The following NEK5 variants were observed in gnomAD, a reference collection of about 807,000 sequenced individuals.
NEK5 encodes the protein NIMA related kinase 5, also known as serine/threonine-protein kinase Nek5.
Under a neutral mutation model 109.2 loss-of-function variants are expected in NEK5, and 88 were observed. The observed-to-expected ratio is 0.81, with a 90% CI of 0.68 to 0.96. NEK5 has a LOEUF of 0.96. Ranked by LOEUF, NEK5 falls within the 40% of genes least tolerant of loss-of-function variation. The pLI is 0.00. For synonymous variants in NEK5, 283 were observed against 299.9 expected (o/e 0.94, Z 0.58); for missense variants, 834 against 920.7 (o/e 0.91, Z 1.22).
intron 22 of NEK5, among the ~76,000 whole-genome samples, chr13:52,054,299 A>C (rs1171695911): frequency 6.6e-6 from 1 of 152,214 alleles, no homozygotes; most frequent in African/African-American, 2.4e-5. Context: ...GAAGGAATAA[A>C]TAAATGTAAT....
chr13:52,125,333 G>A (rs1472619417), intron 3 of NEK5, among the ~76,000 whole-genome samples: 1 of 152,230 alleles, frequency 6.6e-6, no homozygotes, highest in South Asian at 2.1e-4. Flanking sequence ...GGAGGCCGAG[G>A]CGGGTGGATC....
At chr13:52,084,349 C>T (rs886682826) in intron 16 of NEK5, among the ~76,000 whole-genome samples, 1 of 151,994 alleles carries the variant, frequency 6.6e-6, no homozygotes, top group Admixed American at 6.6e-5. Context: ...TCCTGAGTAG[C>T]TGGGACTACA....
chr13:52,102,564 G>A (rs571933216), intron 9 of NEK5, among the ~76,000 whole-genome samples: 1 of 152,216 alleles, frequency 6.6e-6, no homozygotes, highest in South Asian at 2.1e-4. Flanking sequence ...TTGGTGGCAT[G>A]AGCCTGTGGT....
intron 14 of NEK5, among the ~76,000 whole-genome samples, chr13:52,088,264 G>GT (rs950355633): frequency 5.8e-4 from 85 of 146,796 alleles, no homozygotes; most frequent in African/African-American, 2.0e-3. Flanking sequence ...TGTTTTTTTT[G>GT]TTTTTTTTGA....
At chr13:52,121,935 C>CT (rs781057134) in intron 3 of NEK5, among the ~76,000 whole-genome samples, 4,493 of 138,468 alleles carry the variant, frequency 0.032, 209 homozygotes, top group African/African-American at 0.11. Context: ...GTTTTGCTAG[C>CT]TTTTTTTTTT....
At chr13:52,056,146 C>G (rs1820136863) in intron 22 of NEK5, among the ~76,000 whole-genome samples, 1 of 151,990 alleles carries the variant, frequency 6.6e-6, no homozygotes, top group African/African-American at 2.4e-5. Context: ...GGGTTGCAAT[C>G]CTAGTCTCTG....
chr13:52,119,266 G>T, intron 4 of NEK5, 53 bp downstream of exon 4: 2 of 958,932 alleles, frequency 2.1e-6, no homozygotes, highest in Non-Finnish European at 3.1e-6. Flanking sequence ...TTTTACATAT[G>T]TCAACATGCC....
intron 3 of NEK5, among the ~76,000 whole-genome samples, chr13:52,122,766 C>CAA (rs1001243418): frequency 2.3e-5 from 3 of 129,758 alleles, no homozygotes; most frequent in Non-Finnish European, 5.0e-5. Context: ...GACTCCGTCT[C>CAA]AAAAAAAAAA....
At chr13:52,114,806 A>G (rs1955821200) in intron 4 of NEK5, among the ~76,000 whole-genome samples, 1 of 152,150 alleles carries the variant, frequency 6.6e-6, no homozygotes, top group East Asian at 1.9e-4. Context: ...AGGAGAATTG[A>G]TGTTTCTTGT....
chr13:52,104,434 A>G (rs1593984321), intron 9 of NEK5, 64 bp downstream of exon 9: 1 of 1,149,946 alleles, frequency 8.7e-7, no homozygotes, highest in East Asian at 2.3e-5. Flanking sequence ...TTTTTCTCCC[A>G]GAAGTTAATT....
chr13:52,056,031 G>C (rs1033396411), intron 22 of NEK5, among the ~76,000 whole-genome samples: 2 of 141,232 alleles, frequency 1.4e-5, no homozygotes, highest in African/African-American at 2.6e-5. Context: ...AGACCCATCA[G>C]TGTGCTGTAT....
chr13:52,079,344 T>G (rs1954928498), intron 17 of NEK5, among the ~76,000 whole-genome samples: 1 of 138,594 alleles, frequency 7.2e-6, no homozygotes, highest in Non-Finnish European at 1.5e-5. Context: ...CTCCCTCTGA[T>G]GCCGAGCCGA....
chr13:52,062,747 A>C (rs975942285), intron 21 of NEK5, among the ~76,000 whole-genome samples: 1 of 152,186 alleles, frequency 6.6e-6, no homozygotes, highest in Admixed American at 6.5e-5. Flanking sequence ...AGGAAAGGCT[A>C]TGTGAGAGGT....
chr13:52,110,601 G>A (rs1243079986), intron 5 of NEK5, 24 bp from the exon 6 acceptor site: 3 of 1,457,514 alleles, frequency 2.1e-6, no homozygotes, highest in Non-Finnish European at 2.9e-6. Flanking sequence ...ACAAAACAAA[G>A]CCACTGAATA....
chr13:52,112,222 CCCA>C (rs751495395), intron 5 of NEK5, 43 bp downstream of exon 5: 5 of 988,042 alleles, frequency 5.1e-6, no homozygotes, highest in Admixed American at 1.8e-5. Context: ...TAATTCTCCC[CCCA>C]CCACACATAC....
At chr13:52,123,387 G>T (rs1045382611) in intron 3 of NEK5, among the ~76,000 whole-genome samples, 3 of 152,208 alleles carry the variant, frequency 2.0e-5, no homozygotes, top group East Asian at 3.9e-4. Flanking sequence ...GTCAATTTTT[G>T]ATTATACTAA....
chr13:52,094,228 C>G (rs1180789197), intron 12 of NEK5, among the ~76,000 whole-genome samples: 1 of 152,172 alleles, frequency 6.6e-6, no homozygotes, highest in East Asian at 1.9e-4. Context: ...AAAAGCCAGT[C>G]AAGACCTTCT....
At chr13:52,110,276 A>G in intron 7 of NEK5, 64 bp downstream of exon 7, 2 of 1,028,188 alleles carry the variant, frequency 1.9e-6, no homozygotes, top group Non-Finnish European at 3.0e-6. Context: ...TTAATCCATG[A>G]TATCTAAAAA....
At chr13:52,075,962 T>G in intron 18 of NEK5, 101 bp downstream of exon 18, 1 of 918,642 alleles carries the variant, frequency 1.1e-6, no homozygotes, top group Non-Finnish European at 1.7e-6. Context: ...AGAGCAATTC[T>G]ATAAAATACT....
Sources: allele counts gnomAD v4.1 joint callset (sites outside exome capture counted in the v4.1 genomes callset), GRCh38; gene constraint gnomAD v4.1.1; transcripts MANE v1.5; gene names NCBI Gene and HGNC (gene_info 2026-07-23, HGNC 2026-07-21).